Variants in SLC16A2 observed in about 807,000 individuals in gnomAD.
SLC16A2 encodes the protein monocarboxylate transporter 8.
A neutral mutation model predicts 27.2 loss-of-function variants in SLC16A2; 3 were observed. The ratio of observed to expected loss-of-function variants is 0.11; its 90% CI spans 0.05 to 0.28. The LOEUF (loss-of-function observed/expected upper bound fraction) is 0.28. SLC16A2 is among the 10% of genes least tolerant of loss of function. The probability of loss-of-function intolerance (pLI) is 1.00; values close to 1 mark genes in which losing one functional copy is unlikely to be tolerated. For synonymous variants in SLC16A2, 202 were observed against 187.8 expected, an observed-to-expected ratio of 1.08 and a Z score of -0.62; for missense variants, 295 against 458.5, an observed-to-expected ratio of 0.64 and a Z score of 3.26.
rs867575851 is a variant in SLC16A2, at chrX:74,493,625, T to C, written c.431-27365T>C. ...AGGGTGATCGCCAATGCAGATTTTTTCATTTGACGAGCTGCTTTCCTAGAA... is the reference window on the plus strand; with the variant it reads ...AGGGTGATCGCCAATGCAGATTTTTCCATTTGACGAGCTGCTTTCCTAGAA... On this transcript the variant is annotated intron_variant, in intron 1 of 5. Transcript: ENST00000587091. 9.3e-4 allele frequency among the ~76,000 whole-genome samples: 105 copies of C among 112,474 alleles called. 1 individual carries two copies. The Middle Eastern group carries it at 0.014, about 15-fold the overall frequency.
intron 1 of SLC16A2, among the ~76,000 whole-genome samples, chrX:74,435,928 G>C (rs1197801583): frequency 9.0e-6 from 1 of 110,498 alleles, no homozygotes. Context: ...CTTATGCATT[G>C]AGAAAGTTGA....
intron 1 of SLC16A2, 40 bp downstream of exon 1, chrX:74,422,107 G>C: frequency 8.5e-6 from 10 of 1,171,912 alleles, no homozygotes; most frequent in Non-Finnish European, 1.2e-5. Flanking sequence ...TTTTGGGCAA[G>C]GTTGGCCGCT....
At chrX:74,515,030 C>A (rs1930293931) in intron 1 of SLC16A2, among the ~76,000 whole-genome samples, 1 of 111,514 alleles carries the variant, frequency 9.0e-6, no homozygotes, top group South Asian at 3.8e-4. Context: ...CCAGGGAAAT[C>A]TTGACTTCAA....
At chrX:74,442,060 C>A (rs1928758304) in intron 1 of SLC16A2, among the ~76,000 whole-genome samples, 1 of 109,269 alleles carries the variant, frequency 9.2e-6, no homozygotes, top group South Asian at 4.1e-4. Flanking sequence ...GGAACCCCGT[C>A]TCTACTAGAA....
At chrX:74,475,886 C>T (rs369154120) in intron 1 of SLC16A2, among the ~76,000 whole-genome samples, 102 of 111,246 alleles carry the variant, frequency 9.2e-4, no homozygotes, top group Non-Finnish European at 1.7e-3. Flanking sequence ...TACTGTAGCC[C>T]TGTAGTATAG....
chrX:74,448,490 A>G (rs1363602813), intron 1 of SLC16A2, among the ~76,000 whole-genome samples: 1 of 109,701 alleles, frequency 9.1e-6, no homozygotes, highest in Non-Finnish European at 1.9e-5. Context: ...TTGTCCTTCC[A>G]TGTCTCTAGA....
chrX:74,490,080 A>AG (rs766176803), intron 1 of SLC16A2, among the ~76,000 whole-genome samples: 133 of 109,476 alleles, frequency 1.2e-3, no homozygotes, highest in African/African-American at 4.3e-3. Flanking sequence ...CTTGCAAAAA[A>AG]AAAAATAGTT....
At chrX:74,475,677 C>A (rs964368600) in intron 1 of SLC16A2, among the ~76,000 whole-genome samples, 11 of 111,856 alleles carry the variant, frequency 9.8e-5, no homozygotes, top group Non-Finnish European at 1.7e-4. Context: ...AGGAAGGGAT[C>A]CAGTTTCAGC....
intron 1 of SLC16A2, among the ~76,000 whole-genome samples, chrX:74,472,227 T>A (rs192098628): frequency 8.3e-4 from 93 of 112,098 alleles, no homozygotes; most frequent in Non-Finnish European, 1.9e-4. Context: ...AACTCCAATT[T>A]ATCTAGTGTT....
intron 1 of SLC16A2, among the ~76,000 whole-genome samples, chrX:74,482,892 A>G (rs919482363): frequency 4.5e-5 from 5 of 111,009 alleles, no homozygotes; most frequent in Non-Finnish European, 9.4e-5. Context: ...TATTTTTTGT[A>G]GAGATGGGCA....
At chrX:74,497,935 C>A (rs1385368356) in intron 1 of SLC16A2, among the ~76,000 whole-genome samples, 1 of 110,833 alleles carries the variant, frequency 9.0e-6, no homozygotes, top group Non-Finnish European at 1.9e-5. Context: ...CATGCAGAGA[C>A]GTTTAAGTGG....
intron 1 of SLC16A2, among the ~76,000 whole-genome samples, chrX:74,434,998 A>AT (rs373253163): frequency 0.3 from 28,942 of 95,877 alleles, 3,985 homozygotes; most frequent in African/African-American, 0.47. Flanking sequence ...TAATTTTTGT[A>AT]TTTTTTTTTT....
intron 1 of SLC16A2, among the ~76,000 whole-genome samples, chrX:74,450,021 G>A (rs1928910316): frequency 8.9e-6 from 1 of 111,926 alleles, no homozygotes; most frequent in Non-Finnish European, 1.9e-5. Context: ...ACAGCAACAA[G>A]GCTAGCTTGG....
intron 1 of SLC16A2, among the ~76,000 whole-genome samples, chrX:74,477,660 C>T (rs564012471): frequency 4.5e-5 from 5 of 112,043 alleles, no homozygotes; most frequent in African/African-American, 1.6e-4. Context: ...AAATGTTTCC[C>T]AGAGATTCTG....
chrX:74,468,973 C>T (rs2147851532), intron 1 of SLC16A2, among the ~76,000 whole-genome samples: 1 of 111,434 alleles, frequency 9.0e-6, no homozygotes, highest in East Asian at 2.8e-4. Flanking sequence ...CTTTATCCCC[C>T]ACTCCCCATT....
intron 1 of SLC16A2, among the ~76,000 whole-genome samples, chrX:74,491,363 G>T (rs750463616): frequency 1.8e-5 from 2 of 112,142 alleles, no homozygotes; most frequent in African/African-American, 3.2e-5. Flanking sequence ...AAATTTCCTG[G>T]TTGGCAATTG....
chrX:74,517,070 T>A (rs1202180179), intron 1 of SLC16A2, among the ~76,000 whole-genome samples: 1 of 111,760 alleles, frequency 8.9e-6, no homozygotes, highest in African/African-American at 3.3e-5. Flanking sequence ...ATGGAATAGT[T>A]CTGTATCTTG....
rs759274634 is a variant in SLC16A2 at position 74,480,009 on chromosome X, G to T, written c.431-40981G>T. On this transcript the variant is annotated intron_variant, in intron 1 of 5. Coordinates refer to ENST00000587091, the MANE Select transcript of SLC16A2 (RefSeq NM_006517.5). ...TGGGAGAACCACTACTCTCTTCAAA[G>T]CTGTCAGATAGGGACATTTAAGTCT... 7.1e-5 allele frequency among the ~76,000 whole-genome samples: 8 copies of T among 112,310 alleles called. No homozygotes were observed. In the South Asian group the frequency reaches 1.5e-3, roughly 21 times the overall value.
intron 1 of SLC16A2, among the ~76,000 whole-genome samples, chrX:74,482,088 T>C (rs1929631149): frequency 9.0e-6 from 1 of 111,178 alleles, no homozygotes; most frequent in South Asian, 3.8e-4. Flanking sequence ...TGGTTGACAG[T>C]TTTTTCCTTT....
Sources: allele counts gnomAD v4.1 joint callset (sites outside exome capture counted in the v4.1 genomes callset), GRCh38; gene constraint gnomAD v4.1.1; transcripts MANE v1.5; gene names NCBI Gene and HGNC (gene_info 2026-07-23, HGNC 2026-07-21).